Variants in FRK observed in about 807,000 individuals in gnomAD.
FRK encodes tyrosine-protein kinase FRK.
In FRK, 51 loss-of-function variants were observed where a neutral mutation model predicts 56.4. The observed-to-expected ratio is 0.90, with a 90% CI of 0.72 to 1.14. The LOEUF (loss-of-function observed/expected upper bound fraction) is 1.14, where lower values mean the gene tolerates loss of function less well. Ranked by LOEUF, FRK falls within the 50% of genes most tolerant of loss-of-function variation. The pLI is 0.00. For missense variants in FRK, 570 were observed against 601.4 expected (o/e 0.95, Z 0.55); for synonymous variants, 245 against 217.9 (o/e 1.12, Z -1.10).
rs796131838 is a variant in FRK at position 115,934,877 on chromosome 6, A to G, written c.*7537T>C. 9.2e-5 allele frequency: 14 copies of G among 152,324 alleles called. No individual in the cohort carries two copies. Among genetic ancestry groups the G allele is most frequent in the African/African-American group, 3.4e-4 (14 of 41,562 alleles). 9.4% of individuals were successfully genotyped at this position (152,324 alleles called of 1,614,324 possible). A position where few individuals can be genotyped will look rare whatever the true frequency, so the allele number is the denominator to read the frequency against. ...GATACATGCATTGTTTAAAAAAACA[A>G]TAACTTTGTTACAAAGTTTAATTCA... On this transcript the variant is annotated 3_prime_UTR_variant, in exon 8 of 8. Coordinates refer to ENST00000606080, the MANE Select transcript of FRK (RefSeq NM_002031.3).
rs1322188018 is a variant in FRK, at chr6:115,932,587, A to T, written c.*9827T>A. The T allele has an allele frequency of 6.6e-6, 1 of 152,204 alleles. No homozygotes were observed. The highest frequency in any genetic ancestry group is 1.5e-5 in the Non-Finnish European group (1 of 68,030). The allele number at this position is 152,204 out of a possible 1,614,324, so 9.4% of individuals were successfully genotyped here. A position where few individuals can be genotyped will look rare whatever the true frequency, so the allele number is the denominator to read the frequency against. ...ACCCAAATCATCACCATTCTAGCTC[A>T]CATAATGTGTCTTTTTAAAGAATCA... On this transcript the variant is annotated 3_prime_UTR_variant, in exon 8 of 8. Transcript: ENST00000606080.
chr6:115,945,020 T>C (rs1156671625), intron 5 of FRK, among the ~76,000 whole-genome samples: 1 of 152,194 alleles, frequency 6.6e-6, no homozygotes, highest in African/African-American at 2.4e-5. Context: ...TCCAGCTCCA[T>C]CCATGTTGCT....
intron 1 of FRK, among the ~76,000 whole-genome samples, chr6:116,041,436 GC>G (rs1296013955): frequency 6.6e-6 from 1 of 152,178 alleles, no homozygotes; most frequent in Admixed American, 6.5e-5. Flanking sequence ...ATTCCTTGAA[GC>G]ATCTTGGATT....
the FRK span, among the ~76,000 whole-genome samples, chr6:116,071,407 C>T: frequency 9.2e-5 from 14 of 152,080 alleles, no homozygotes; most frequent in African/African-American, 3.4e-4. Context: ...AGTTACAAAT[C>T]CACTCAACAA....
chr6:115,997,765 AG>A lies in FRK; in HGVS notation c.466+6111del, dbSNP rs777000913. 2.6e-5 allele frequency among the ~76,000 whole-genome samples: 4 copies of A among 152,298 alleles called. No individual in the cohort carries two copies. In the South Asian group the frequency reaches 6.2e-4, roughly 24 times the overall value. On this transcript the variant is annotated intron_variant, in intron 2 of 7. Coordinates refer to ENST00000606080, the MANE Select transcript of FRK (RefSeq NM_002031.3). ...GGTTCAAGCTCTCATTTATGGAGAA[AG>A]GAGACTGTGTAGAAAAGAATCCTGG...
rs1772063427 is a variant in FRK at position 115,936,923 on chromosome 6, C to T, written c.*5491G>A. 6.6e-6 allele frequency: 1 copy of T among 152,186 alleles called. No homozygotes were observed. The highest frequency in any genetic ancestry group is 2.4e-5 in the African/African-American group (1 of 41,450). 9.4% of individuals were successfully genotyped at this position (152,186 alleles called of 1,614,324 possible). On this transcript the variant is annotated 3_prime_UTR_variant, in exon 8 of 8. Coordinates refer to ENST00000606080, the MANE Select transcript of FRK (RefSeq NM_002031.3). ...CTCCTCAGGATATTATCCAGGAGAA[C>T]ATCCCCAACCTAGCAAGACAGGTCA...
At chr6:116,078,134 T>A in the FRK span, among the ~76,000 whole-genome samples, 3 of 152,126 alleles carry the variant, frequency 2.0e-5, no homozygotes, top group Non-Finnish European at 4.4e-5. Context: ...CACTCCAGCC[T>A]GGGCAACAAG....
At chr6:116,026,536 GAGGAAAGAAGGA>G (rs1776094783) in intron 1 of FRK, among the ~76,000 whole-genome samples, 1 of 116,592 alleles carries the variant, frequency 8.6e-6, no homozygotes, top group Non-Finnish European at 1.8e-5. Flanking sequence ...GGGGGGAAGG[GAGGAAAGAAGGA>G]AGGAAGGAAG....
chr6:116,032,251 C>CA (rs1193049543), intron 1 of FRK, among the ~76,000 whole-genome samples: 2 of 151,488 alleles, frequency 1.3e-5, no homozygotes, highest in Non-Finnish European at 2.9e-5. Context: ...TTTTGTGTAG[C>CA]AAAAAAACAT....
the FRK span, among the ~76,000 whole-genome samples, chr6:116,098,562 C>T: frequency 6.6e-6 from 1 of 152,112 alleles, no homozygotes; most frequent in African/African-American, 2.4e-5. Context: ...CTTAAAGGCC[C>T]TATGTCAAAT....
intron 1 of FRK, among the ~76,000 whole-genome samples, chr6:116,013,332 TC>T (rs1238831908): frequency 6.6e-6 from 1 of 152,160 alleles, no homozygotes; most frequent in Non-Finnish European, 1.5e-5. Context: ...TTCAAAACTA[TC>T]CTCTATTTGG....
rs1459930780 is a variant in FRK, at chr6:115,998,056, A to G, written c.466+5821T>C. ...TTGGGCGACTCCCATACTTGCTCAT[A>G]AAAGAGAAGAGCAACAGAGGGGCCC... On this transcript the variant is annotated intron_variant, in intron 2 of 7. Coordinates refer to ENST00000606080, the MANE Select transcript of FRK (RefSeq NM_002031.3). Among the ~76,000 whole-genome samples the G allele has an allele frequency of 2.0e-5, 3 of 152,202 alleles. No individual in the cohort carries two copies. The East Asian group carries it at 5.8e-4, about 29-fold the overall frequency.
chr6:116,087,621 T>C, the FRK span, among the ~76,000 whole-genome samples: 1 of 152,204 alleles, frequency 6.6e-6, no homozygotes. Flanking sequence ...AGCCCACAGA[T>C]GGAACAGAAA....
chr6:115,958,133 G>T lies in FRK; in HGVS notation c.800-1523C>A, dbSNP rs144713521. ...CTCTACCACTGGTTTACTCCACACA[G>T]TCAAATAGGATTAAAATTTGGAATC... On this transcript the variant is annotated intron_variant, in intron 4 of 7. Coordinates refer to ENST00000606080, the MANE Select transcript of FRK (RefSeq NM_002031.3). Among the ~76,000 whole-genome samples, 5 of 152,256 alleles carry T rather than the reference G, an allele frequency of 3.3e-5. No homozygotes were observed. In the East Asian group the frequency reaches 9.6e-4, roughly 29 times the overall value.
chr6:116,092,534 C>A, the FRK span, among the ~76,000 whole-genome samples: 3 of 152,236 alleles, frequency 2.0e-5, no homozygotes, highest in Admixed American at 2.0e-4. Context: ...GGAGGACAGG[C>A]AAAGGTGCAG....
At chr6:116,083,720 A>G in the FRK span, among the ~76,000 whole-genome samples, 2 of 152,200 alleles carry the variant, frequency 1.3e-5, no homozygotes, top group Non-Finnish European at 2.9e-5. Context: ...GATAAGAACC[A>G]CTGCCTATAG....
At position 116,028,155 on chromosome 6, in the gene FRK, G is replaced by C. The variant is rs147326008; in HGVS notation, c.345-24157C>G. Among the ~76,000 whole-genome samples, 651 of 152,170 alleles carry C rather than the reference G, an allele frequency of 4.3e-3. 7 individuals carry two copies. In the Middle Eastern group the frequency reaches 0.044, roughly 10 times the overall value. On this transcript the variant is annotated intron_variant, in intron 1 of 7. Coordinates refer to ENST00000606080, the MANE Select transcript of FRK (RefSeq NM_002031.3). ...GTTTTCTGCAATTTAACTCAGTTTT[G>C]ATGTTAACTGGTTATACTGTCACAA... is the stretch of plus-strand genomic sequence containing the variant.
intron 2 of FRK, among the ~76,000 whole-genome samples, chr6:115,973,778 G>A (rs543255540): frequency 2.6e-4 from 40 of 151,956 alleles, no homozygotes; most frequent in Middle Eastern, 3.4e-3. Context: ...GGCTGAGGCA[G>A]GAGAATTGCT....
At chr6:116,086,028 CAG>C in the FRK span, among the ~76,000 whole-genome samples, 1 of 148,714 alleles carries the variant, frequency 6.7e-6, no homozygotes, top group Non-Finnish European at 1.5e-5. Context: ...TTTTTTGAGA[CAG>C]AGTCTCACAC....
Sources: gnomAD v4.1 joint callset for allele counts (sites outside exome capture counted in the v4.1 genomes callset) on GRCh38, gnomAD v4.1.1 for gene constraint, MANE v1.5 for transcripts, NCBI Gene and HGNC (gene_info 2026-07-23, HGNC 2026-07-21) for gene names.